The following CMKLR1 variants were observed in gnomAD, a reference collection of about 807,000 sequenced individuals.
CMKLR1 encodes the protein chemerin chemokine-like receptor 1, also known as chemerin-like receptor 1.
In CMKLR1, 6 loss-of-function variants were observed where a neutral mutation model predicts 8.2. That is an observed-to-expected ratio of 0.73 (90% CI 0.40 to 1.44). CMKLR1 has a LOEUF of 1.44. CMKLR1 is among the 40% of genes most tolerant of loss of function. CMKLR1 has a pLI of 0.02. For missense variants in CMKLR1, 429 were observed against 478.0 expected (o/e 0.90, Z 0.96); for synonymous variants, 178 against 181.2 (o/e 0.98, Z 0.14).
intron 2 of CMKLR1, among the ~76,000 whole-genome samples, chr12:108,297,161 T>TC (rs1891160382): frequency 6.6e-6 from 1 of 152,186 alleles, no homozygotes; most frequent in Non-Finnish European, 1.5e-5. Context: ...CAACCCCTCC[T>TC]CTTCCTGTTC....
At chr12:108,306,673 C>T (rs983565559) in intron 2 of CMKLR1, among the ~76,000 whole-genome samples, 1 of 152,166 alleles carries the variant, frequency 6.6e-6, no homozygotes, top group African/African-American at 2.4e-5. Context: ...TGCTGAAAAC[C>T]TCTTAGCACC....
chr12:108,327,519 G>C (rs978036808), intron 2 of CMKLR1, among the ~76,000 whole-genome samples: 3 of 152,208 alleles, frequency 2.0e-5, no homozygotes, highest in Non-Finnish European at 2.9e-5. Context: ...AGAGAATGAA[G>C]GAGTGAGTGA....
At position 108,289,537 on chromosome 12, in the gene CMKLR1, C is replaced by G. The variant is rs556094657; in HGVS notation, c.*2304G>C. The G allele has an allele frequency of 2.0e-4, 31 of 152,360 alleles. 1 individual carries two copies. Among genetic ancestry groups the G allele is most frequent in the African/African-American group, 5.3e-4 (22 of 41,586 alleles). 9.4% of individuals were successfully genotyped at this position (152,360 alleles called of 1,614,324 possible). On this transcript the variant is annotated 3_prime_UTR_variant, in exon 4 of 4. Coordinates refer to ENST00000550402, the MANE Select transcript of CMKLR1 (RefSeq NM_001142343.2). ...ATGACAACATGAATTCCTGGCTCCC[C>G]CATCCTGGCCTGGACTGCCAGAAGC...
intron 1 of CMKLR1, among the ~76,000 whole-genome samples, chr12:108,330,958 G>A (rs549692444): frequency 3.3e-5 from 5 of 152,242 alleles, no homozygotes; most frequent in African/African-American, 1.2e-4. Flanking sequence ...TCCCCTCCTA[G>A]TTAGCATCCA....
At chr12:108,303,623 C>T (rs1053152963) in intron 2 of CMKLR1, among the ~76,000 whole-genome samples, 5 of 152,238 alleles carry the variant, frequency 3.3e-5, no homozygotes, top group Non-Finnish European at 7.3e-5. Flanking sequence ...AGCTCACTCT[C>T]TGTCCACTGC....
At chr12:108,320,788 A>G (rs1054885705) in intron 2 of CMKLR1, 1 of 152,286 alleles carries the variant, frequency 6.6e-6, no homozygotes, top group Non-Finnish European at 1.5e-5. Context: ...CATTCGTTCT[A>G]CAAGAGGAAT....
chr12:108,301,200 C>T (rs1024686602), intron 2 of CMKLR1, among the ~76,000 whole-genome samples: 1 of 151,572 alleles, frequency 6.6e-6, no homozygotes, highest in Admixed American at 6.6e-5. Context: ...CTCAGCCTCC[C>T]GAGTAGCTGG....
intron 2 of CMKLR1, among the ~76,000 whole-genome samples, chr12:108,304,777 C>A (rs1250133516): frequency 6.6e-6 from 1 of 152,238 alleles, no homozygotes; most frequent in Admixed American, 6.5e-5. Context: ...CAACATTCCT[C>A]ACCTGTGCGC....
chr12:108,308,886 G>A (rs1891478977), intron 2 of CMKLR1, among the ~76,000 whole-genome samples: 1 of 152,300 alleles, frequency 6.6e-6, no homozygotes, highest in South Asian at 2.1e-4. Flanking sequence ...TTGCAGCAGG[G>A]AACAAACCAG....
intron 2 of CMKLR1, among the ~76,000 whole-genome samples, chr12:108,297,074 C>A (rs553113065): frequency 1.3e-5 from 2 of 152,240 alleles, no homozygotes; most frequent in South Asian, 4.2e-4. Flanking sequence ...GACCCTTGAA[C>A]AATACAGGTT....
Position 108,292,602 on chromosome 12 carries a change from G to A in CMKLR1, c.361C>T (p.His121Tyr). 1.9e-6 allele frequency: 3 copies of A among 1,614,144 alleles called. No homozygotes were observed. The highest frequency in any genetic ancestry group is 2.5e-6 in the Non-Finnish European group (3 of 1,180,018). Reference protein sequence around the residue: ...MCKISNFLLIHNMFTSVFLLT... With the variant: ...MCKISNFLLIYNMFTSVFLLT... Reference sequence around the variant, plus strand: ...AGGAAGACGCTGGTGAACATGTTGTGGATGAGAAGGAAGTTGCTGATCTTG... The same window carrying A: ...AGGAAGACGCTGGTGAACATGTTGTAGATGAGAAGGAAGTTGCTGATCTTG... Residue 121 changes from histidine to tyrosine, a missense_variant, in exon 4 of 4, where the codon CAC becomes TAC. Transcript: ENST00000550402.
intron 2 of CMKLR1, among the ~76,000 whole-genome samples, chr12:108,315,433 C>A (rs936091050): frequency 4.6e-5 from 7 of 152,176 alleles, no homozygotes; most frequent in South Asian, 4.1e-4. Flanking sequence ...CCAGTCAGGA[C>A]AATAAATCCT....
intron 2 of CMKLR1, among the ~76,000 whole-genome samples, chr12:108,310,742 C>A (rs538456984): frequency 5.9e-5 from 9 of 152,150 alleles, no homozygotes; most frequent in Non-Finnish European, 8.8e-5. Flanking sequence ...AGCCATCTTC[C>A]CCCGGAGTCC....
chr12:108,324,277 C>T (rs1422400169), intron 2 of CMKLR1, among the ~76,000 whole-genome samples: 1 of 152,156 alleles, frequency 6.6e-6, no homozygotes. Context: ...GAACAGGGCT[C>T]ACCAAAGGGG....
chr12:108,318,481 C>T (rs11113814), intron 2 of CMKLR1, among the ~76,000 whole-genome samples: 19,844 of 152,212 alleles, frequency 0.13, 2,440 homozygotes, highest in African/African-American at 0.3. Context: ...TCCTCAGTTT[C>T]CACGTTTATC....
chr12:108,317,644 G>A (rs1029154759), intron 2 of CMKLR1, among the ~76,000 whole-genome samples: 2 of 152,200 alleles, frequency 1.3e-5, no homozygotes, highest in South Asian at 2.1e-4. Context: ...TGAAAACCAC[G>A]GGCCTTAGAA....
chr12:108,338,327 A>G (rs1892278737), intron 1 of CMKLR1, among the ~76,000 whole-genome samples: 1 of 152,208 alleles, frequency 6.6e-6, no homozygotes, highest in Non-Finnish European at 1.5e-5. Flanking sequence ...TGAACAGGAG[A>G]GTCAGACTAG....
intron 2 of CMKLR1, among the ~76,000 whole-genome samples, chr12:108,311,308 T>C (rs1304832378): frequency 1.4e-5 from 2 of 145,416 alleles, no homozygotes; most frequent in Admixed American, 6.8e-5. Flanking sequence ...GCGTGTGAGA[T>C]ATTAACACTT....
intron 2 of CMKLR1, chr12:108,317,722 T>C (rs949278277): frequency 6.6e-6 from 1 of 152,216 alleles, no homozygotes; most frequent in Non-Finnish European, 1.5e-5. Context: ...ACAATTCTAA[T>C]AGGCTTTTTG....
Sources: gnomAD v4.1 joint callset for allele counts (sites outside exome capture counted in the v4.1 genomes callset) on GRCh38, gnomAD v4.1.1 for gene constraint, MANE v1.5 for transcripts, NCBI Gene and HGNC (gene_info 2026-07-23, HGNC 2026-07-21) for gene names.